Variants in DIO2 observed in about 807,000 individuals in gnomAD.
The protein encoded by DIO2 is iodothyronine deiodinase 2.
In DIO2, 19 loss-of-function variants were observed where a neutral mutation model predicts 21.4. The ratio of observed to expected loss-of-function variants is 0.89; its 90% confidence interval spans 0.62 to 1.30. DIO2 has a LOEUF of 1.30. Among genes scored for constraint, DIO2 ranks in the 50% most tolerant of loss-of-function variants. DIO2 has a pLI of 0.00. For synonymous variants in DIO2, 122 were observed against 132.9 expected, an observed-to-expected ratio of 0.92 and a Z score of 0.57; for missense variants, 302 against 338.1, an observed-to-expected ratio of 0.89 and a Z score of 0.84.
chr14:80,202,183 T>C lies in DIO2; in HGVS notation c.*506A>G, dbSNP rs1887755214. 2.6e-6 allele frequency: 1 copy of C among 391,522 alleles called. No homozygotes were observed. The highest frequency in any genetic ancestry group is 5.0e-6 in the Non-Finnish European group (1 of 199,302). The allele number at this position is 391,522 out of a possible 1,614,324, so 24.3% of individuals were successfully genotyped here. Reference sequence around the variant, plus strand: ...TGGAACATCAGAAATGACTCTAACATAAGGTCTAACCTTAACACCAACGTC... The same window carrying C: ...TGGAACATCAGAAATGACTCTAACACAAGGTCTAACCTTAACACCAACGTC... On this transcript the variant is annotated 3_prime_UTR_variant, in exon 2 of 2. Coordinates refer to ENST00000438257, the MANE Select transcript of DIO2 (RefSeq NM_013989.5).
chr14:80,212,342 T>TC (rs1240645986), upstream of DIO2, among the ~76,000 whole-genome samples: 1 of 152,024 alleles, frequency 6.6e-6, no homozygotes, highest in Non-Finnish European at 1.5e-5. Context: ...ACAACTTTTT[T>TC]TTTTTAGAAG....
chr14:80,213,912 G>A (rs867590429), upstream of DIO2, among the ~76,000 whole-genome samples: 1 of 152,098 alleles, frequency 6.6e-6, no homozygotes, highest in African/African-American at 2.4e-5. Context: ...AGACTTCAAA[G>A]CTTAGAAAAA....
At chr14:80,228,457 C>A (rs1057285146) in intron 2 of DIO2, among the ~76,000 whole-genome samples, 4 of 152,216 alleles carry the variant, frequency 2.6e-5, no homozygotes, top group African/African-American at 9.6e-5. Flanking sequence ...GTCTTCTACA[C>A]AGACCAAATG....
Position 80,200,579 on chromosome 14 carries a change from A to C in DIO2, c.*2110T>G, listed in dbSNP as rs1279648902. 1 of 152,240 alleles carries C rather than the reference A, an allele frequency of 6.6e-6. No homozygotes were observed. The highest frequency in any genetic ancestry group is 1.5e-5 in the Non-Finnish European group (1 of 68,038). The allele number at this position is 152,240 out of a possible 1,614,324, so 9.4% of individuals were successfully genotyped here. On this transcript the variant is annotated 3_prime_UTR_variant, in exon 2 of 2. Coordinates refer to ENST00000438257, the MANE Select transcript of DIO2 (RefSeq NM_013989.5). ...TCTCAACACCATTTTGAGGTTAAAAATCAATGGGGGCAGAGATAAGCCTTG... is the reference window on the plus strand; with the variant it reads ...TCTCAACACCATTTTGAGGTTAAAACTCAATGGGGGCAGAGATAAGCCTTG...
In DIO2 at chr14:80,203,293, C is replaced by T. The variant is rs1566660518; in HGVS notation, c.223-5G>A. 9 of 1,377,538 alleles carry T rather than the reference C, an allele frequency of 6.5e-6. No homozygotes were observed. The highest frequency in any genetic ancestry group is 3.2e-5 in the South Asian group (2 of 62,154). 85.3% of individuals were successfully genotyped at this position (1,377,538 alleles called of 1,614,324 possible). A position where few individuals can be genotyped will look rare whatever the true frequency, so the allele number is the denominator to read the frequency against. On this transcript the variant is annotated splice_region_variant and splice_polypyrimidine_tract_variant and intron_variant, in intron 1 of 1. Transcript: ENST00000438257. ...GGCATCCTCACCCAATTTCACCTGACGGTAAAAAAAAAAAAAAAGAAGAAG... is the reference window on the plus strand; with the variant it reads ...GGCATCCTCACCCAATTTCACCTGATGGTAAAAAAAAAAAAAAAGAAGAAG...
chr14:80,202,566 C>G lies in DIO2; in HGVS notation c.*123G>C, dbSNP rs1887773799. ...GGAGCTGTTAGAGATTCATGTTCTT[C>G]CGATAGATAAACTCCTGTCTTTCAG... is the stretch of plus-strand genomic sequence containing the variant. On this transcript the variant is annotated 3_prime_UTR_variant, in exon 2 of 2. Transcript: ENST00000438257. The G allele has an allele frequency of 9.7e-7, 1 of 1,035,110 alleles. No homozygotes were observed. Among genetic ancestry groups the G allele is most frequent in the Non-Finnish European group, 1.4e-6 (1 of 726,120 alleles). 64.1% of individuals were successfully genotyped at this position (1,035,110 alleles called of 1,614,324 possible).
chr14:80,211,165 C>G (rs539251276), intron 1 of DIO2, 86 bp downstream of exon 1: 63 of 1,305,376 alleles, frequency 4.8e-5, no homozygotes, highest in Admixed American at 1.2e-4. Context: ...AGCTCTCCCC[C>G]CAATGCTCCC....
chr14:80,224,011 A>G (rs745649724), intron 2 of DIO2, among the ~76,000 whole-genome samples: 10 of 152,222 alleles, frequency 6.6e-5, no homozygotes, highest in Non-Finnish European at 1.2e-4. Flanking sequence ...TAAGAATGAT[A>G]ATATCAACAC....
intron 2 of DIO2, among the ~76,000 whole-genome samples, chr14:80,230,674 C>G (rs1369222521): frequency 6.6e-6 from 1 of 152,154 alleles, no homozygotes; most frequent in Non-Finnish European, 1.5e-5. Flanking sequence ...CAGTTCATGT[C>G]AAGAGCTATC....
At position 80,203,049 on chromosome 14, in the gene DIO2, A is replaced by G; in HGVS notation, c.462T>C (p.Ala154=). The change falls in exon 2 of 2, where the codon GCT becomes GCC. Residue 154 remains alanine (A), a synonymous_variant. Transcript: ENST00000438257. ...CATCAATGTAGACCAGCAGGAAGTCAGCCACTGAGGAGAACTCTTCCACCA... is the reference window on the plus strand; with the variant it reads ...CATCAATGTAGACCAGCAGGAAGTCGGCCACTGAGGAGAACTCTTCCACCA... ...RKLVEEFSSV[A]DFLLVYIDEA... 1 of 1,613,976 alleles carries G rather than the reference A, an allele frequency of 6.2e-7. No homozygotes were observed. Among genetic ancestry groups the G allele is most frequent in the African/African-American group, 1.3e-5 (1 of 75,048 alleles).
chr14:80,206,257 C>T, intron 1 of DIO2: 2 of 1,576,330 alleles, frequency 1.3e-6, no homozygotes, highest in Non-Finnish European at 1.7e-6. Flanking sequence ...TGTGAGTAGA[C>T]CAGTAGTCTG....
intron 1 of DIO2, among the ~76,000 whole-genome samples, chr14:80,205,927 T>G (rs1266667104): frequency 6.6e-6 from 1 of 152,146 alleles, no homozygotes; most frequent in African/African-American, 2.4e-5. Flanking sequence ...CATAATCATA[T>G]TTGGGTGACG....
chr14:80,217,677 T>C (rs929945306), intron 2 of DIO2, among the ~76,000 whole-genome samples: 4 of 152,182 alleles, frequency 2.6e-5, no homozygotes, highest in African/African-American at 4.8e-5. Flanking sequence ...TTCTAAATAG[T>C]CATGCTTTAC....
At chr14:80,215,619 G>A (rs889307022), upstream of DIO2, among the ~76,000 whole-genome samples, 2 of 152,100 alleles carry the variant, frequency 1.3e-5, no homozygotes, top group Non-Finnish European at 1.5e-5. Flanking sequence ...TTAAAAAATG[G>A]CATTTCATTT....
In DIO2 at chr14:80,199,506, G is replaced by A. The variant is rs893538689; in HGVS notation, c.*3183C>T. 4.6e-5 allele frequency: 7 copies of A among 152,192 alleles called. No homozygotes were observed. The highest frequency in any genetic ancestry group is 2.0e-4 in the Admixed American group (3 of 15,278). The allele number at this position is 152,192 out of a possible 1,614,324, so 9.4% of individuals were successfully genotyped here. On this transcript the variant is annotated 3_prime_UTR_variant, in exon 2 of 2. Coordinates refer to ENST00000438257, the MANE Select transcript of DIO2 (RefSeq NM_013989.5). ...CAGTTACTAATCTGCCTCTAAGGAG[G>A]TCAGTTACATTTTAATAGCTGTATG...
At chr14:80,209,133 GA>G (rs570970034) in intron 1 of DIO2, among the ~76,000 whole-genome samples, 1 of 152,096 alleles carries the variant, frequency 6.6e-6, no homozygotes, top group Non-Finnish European at 1.5e-5. Flanking sequence ...ATACATTGGT[GA>G]AAAAAACAAT....
intron 2 of DIO2, among the ~76,000 whole-genome samples, chr14:80,221,203 CA>C (rs1888456820): frequency 6.6e-6 from 1 of 152,124 alleles, no homozygotes; most frequent in Non-Finnish European, 1.5e-5. Context: ...AGAACATCTA[CA>C]ATGGTATTAT....
chr14:80,207,339 G>A (rs1887992228), intron 1 of DIO2, among the ~76,000 whole-genome samples: 1 of 152,216 alleles, frequency 6.6e-6, no homozygotes. Context: ...TGCAGGGCAA[G>A]GGGGAGAAAA....
rs751154248 is a variant in DIO2 at position 80,202,737 on chromosome 14, C to A, written c.774G>T (p.Leu258=). The A allele has an allele frequency of 2.5e-6, 4 of 1,613,750 alleles. No homozygotes were observed. Among genetic ancestry groups the A allele is most frequent in the Non-Finnish European group, 3.4e-6 (4 of 1,179,866 alleles). The part of the protein sequence containing the change: ...SYNLQEVRHW[L]EKNFSKRUKK... ...TTCATCTCTTGCTGAAATTCTTCTC[C>A]AGCCAATGCCGGACTTCTTGAAGGT... The change falls in exon 2 of 2, where the codon CTG becomes CTT. Residue 258 remains leucine, a synonymous_variant. Transcript: ENST00000438257.
Sources: allele counts gnomAD v4.1 joint callset (sites outside exome capture counted in the v4.1 genomes callset), GRCh38; gene constraint gnomAD v4.1.1; transcripts MANE v1.5; gene names NCBI Gene and HGNC (gene_info 2026-07-23, HGNC 2026-07-21).